IRAK1BP1: variants seen among roughly 807,000 people sequenced by gnomAD.
The protein encoded by IRAK1BP1 is interleukin 1 receptor associated kinase 1 binding protein 1.
In IRAK1BP1, 24 loss-of-function variants were observed where a neutral mutation model predicts 28.0. The ratio of observed to expected loss-of-function variants is 0.86; its 90% CI spans 0.62 to 1.20. The LOEUF is 1.20. IRAK1BP1 is among the 50% of genes most tolerant of loss of function. The probability of loss-of-function intolerance (pLI) is 0.00; values close to 1 mark genes in which losing one functional copy is unlikely to be tolerated. For synonymous variants in IRAK1BP1, 131 were observed against 116.3 expected (o/e 1.13, Z -0.81); for missense variants, 336 against 316.7 (o/e 1.06, Z -0.46).
chr6:78,978,621 A>T, the IRAK1BP1 span: 3 of 1,592,064 alleles, frequency 1.9e-6, no homozygotes, highest in Non-Finnish European at 2.6e-6. Flanking sequence ...ACAAATGGAC[A>T]TCTTCGGGGA....
At chr6:78,955,462 G>A in the IRAK1BP1 span, 2 of 544,998 alleles carry the variant, frequency 3.7e-6, no homozygotes, top group South Asian at 3.2e-5. Flanking sequence ...ACTATAAGAA[G>A]AATATTCTAC....
At chr6:78,939,413 G>A (rs1773386755) in intron 4 of IRAK1BP1, 1 of 151,706 alleles carries the variant, frequency 6.6e-6, no homozygotes, top group African/African-American at 2.4e-5. Context: ...TATAAAACAT[G>A]ATTGCATAAA....
chr6:78,947,845 C>T (rs771410191), downstream of IRAK1BP1: 21 of 1,066,334 alleles, frequency 2.0e-5, no homozygotes, highest in Middle Eastern at 2.1e-4. Flanking sequence ...TGCAGGGATT[C>T]GCACAGGATT....
chr6:78,882,939 T>A (rs1355786266), intron 1 of IRAK1BP1, among the ~76,000 whole-genome samples: 1 of 152,148 alleles, frequency 6.6e-6, no homozygotes, highest in Non-Finnish European at 1.5e-5. Context: ...AAATTTAAAA[T>A]TATTTCAAAA....
the IRAK1BP1 span, among the ~76,000 whole-genome samples, chr6:78,975,381 A>C: frequency 3.3e-5 from 5 of 152,214 alleles, no homozygotes; most frequent in African/African-American, 1.2e-4. Flanking sequence ...TTTCAAAATA[A>C]TCAGAGCTAT....
intron 4 of IRAK1BP1, among the ~76,000 whole-genome samples, chr6:78,910,693 C>T (rs1772384284): frequency 6.6e-6 from 1 of 152,256 alleles, no homozygotes; most frequent in Admixed American, 6.5e-5. Context: ...TCCCGCTCCT[C>T]ACCTCGGCGT....
the IRAK1BP1 span, among the ~76,000 whole-genome samples, chr6:78,960,895 T>C: frequency 1.2e-3 from 179 of 152,236 alleles, 4 homozygotes; most frequent in Admixed American, 0.011. Flanking sequence ...AGCTTCTCTA[T>C]GTTAAAAAGA....
At chr6:78,895,453 A>G (rs1010317617) in intron 2 of IRAK1BP1, among the ~76,000 whole-genome samples, 20 of 152,310 alleles carry the variant, frequency 1.3e-4, no homozygotes, top group Admixed American at 1.3e-3. Context: ...AAAATTATAA[A>G]CTAAATTTTA....
the IRAK1BP1 span, chr6:78,955,751 C>A: frequency 5.1e-6 from 3 of 590,310 alleles, no homozygotes; most frequent in South Asian, 2.4e-5. Context: ...AAAATTTGTT[C>A]GTAAAACCAT....
At chr6:78,892,934 C>G (rs1771716233) in intron 2 of IRAK1BP1, among the ~76,000 whole-genome samples, 1 of 151,868 alleles carries the variant, frequency 6.6e-6, no homozygotes, top group African/African-American at 2.4e-5. Flanking sequence ...ATCAAATAGC[C>G]TATTATACAT....
intron 4 of IRAK1BP1, chr6:78,940,548 GTTT>G (rs36155238): frequency 5.0e-4 from 41 of 82,702 alleles, no homozygotes; most frequent in Non-Finnish European, 5.6e-4. Flanking sequence ...TCGTAAGTTT[GTTT>G]TTTTTTTTTT....
rs1351128753 is a variant in IRAK1BP1 at position 78,900,164 on chromosome 6, T to C, written c.*1830T>C. Reference sequence around the variant, plus strand: ...AGGCCACAAATGGCTTGAGACTACCTTGCTGAACAGACCAAGGTCAAACAC... The same window carrying C: ...AGGCCACAAATGGCTTGAGACTACCCTGCTGAACAGACCAAGGTCAAACAC... On this transcript the variant is annotated 3_prime_UTR_variant, in exon 4 of 4. Transcript: ENST00000369940. The C allele has an allele frequency of 6.6e-6, 1 of 152,252 alleles. No homozygotes were observed. Among genetic ancestry groups the C allele is most frequent in the African/African-American group, 2.4e-5 (1 of 41,466 alleles). 9.4% of individuals were successfully genotyped at this position (152,252 alleles called of 1,614,324 possible). A position where few individuals can be genotyped will look rare whatever the true frequency, so the allele number is the denominator to read the frequency against.
intron 2 of IRAK1BP1, 37 bp downstream of exon 2, chr6:78,885,480 T>G (rs547202702): frequency 1.2e-5 from 12 of 1,018,648 alleles, no homozygotes; most frequent in Middle Eastern, 4.2e-4. Flanking sequence ...CAGCATGATT[T>G]TGTGGAGACA....
chr6:78,929,838 G>T (rs1772993795), intron 4 of IRAK1BP1, among the ~76,000 whole-genome samples: 1 of 152,124 alleles, frequency 6.6e-6, no homozygotes, highest in Non-Finnish European at 1.5e-5. Flanking sequence ...TTGGTCCACT[G>T]AACATATAAG....
the IRAK1BP1 span, among the ~76,000 whole-genome samples, chr6:78,954,485 T>C: frequency 2.0e-5 from 3 of 151,910 alleles, no homozygotes; most frequent in African/African-American, 4.8e-5. Flanking sequence ...TTCTAGATAA[T>C]TGCCATAATA....
the IRAK1BP1 span, among the ~76,000 whole-genome samples, chr6:78,951,827 G>A: frequency 6.6e-6 from 1 of 152,096 alleles, no homozygotes; most frequent in Non-Finnish European, 1.5e-5. Flanking sequence ...CATATAACTG[G>A]TGCACTGGAC....
intron 4 of IRAK1BP1, among the ~76,000 whole-genome samples, chr6:78,912,315 C>A (rs1011116137): frequency 2.0e-5 from 3 of 152,032 alleles, no homozygotes; most frequent in Non-Finnish European, 4.4e-5. Flanking sequence ...GAAGGGGTAG[C>A]AAACCCACTT....
At chr6:78,944,765 C>T (rs937910405) in intron 4 of IRAK1BP1, among the ~76,000 whole-genome samples, 1 of 152,134 alleles carries the variant, frequency 6.6e-6, no homozygotes, top group Non-Finnish European at 1.5e-5. Context: ...TATTATTGGG[C>T]TGTCTGCTGC....
chr6:78,947,085 GT>G (rs1773861725), downstream of IRAK1BP1, among the ~76,000 whole-genome samples: 1 of 152,118 alleles, frequency 6.6e-6, no homozygotes, highest in South Asian at 2.1e-4. Flanking sequence ...AATCTTCCAA[GT>G]TTTGAGATTC....
Sources: gnomAD v4.1 joint callset for allele counts (sites outside exome capture counted in the v4.1 genomes callset) on GRCh38, gnomAD v4.1.1 for gene constraint, MANE v1.5 for transcripts, NCBI Gene and HGNC (gene_info 2026-07-23, HGNC 2026-07-21) for gene names.